The following CDK5RAP2 variants were observed in gnomAD, a reference collection of about 807,000 sequenced individuals.
CDK5RAP2 encodes the protein CDK5 regulatory subunit-associated protein 2.
A neutral mutation model predicts 232.9 loss-of-function variants in CDK5RAP2; 147 were observed. The observed-to-expected ratio is 0.63, with a 90% CI of 0.55 to 0.72. The LOEUF is 0.72. CDK5RAP2 is among the 30% of genes least tolerant of loss of function. The probability of loss-of-function intolerance (pLI) is 0.00; values close to 1 mark genes in which losing one functional copy is unlikely to be tolerated. For synonymous variants in CDK5RAP2, 833 were observed against 833.7 expected, an observed-to-expected ratio of 1.00 and a Z score of 0.01; for missense variants, 2,195 against 2,231.5, an observed-to-expected ratio of 0.98 and a Z score of 0.33.
intron 11 of CDK5RAP2, among the ~76,000 whole-genome samples, chr9:120,521,738 C>T (rs1415684789): frequency 2.6e-5 from 4 of 151,306 alleles, no homozygotes; most frequent in Non-Finnish European, 4.4e-5. Context: ...CTCCGCCTCC[C>T]GGGTTCACAC....
At chr9:120,518,210 T>TGTGAGA (rs1554770753) in intron 12 of CDK5RAP2, among the ~76,000 whole-genome samples, 3 of 43,864 alleles carry the variant, frequency 6.8e-5, no homozygotes, top group Non-Finnish European at 9.9e-5. Context: ...TGTGTGTGTG[T>TGTGAGA]GAGAGAGAGA....
chr9:120,577,392 A>T (rs2043075628), intron 1 of CDK5RAP2, among the ~76,000 whole-genome samples: 1 of 152,076 alleles, frequency 6.6e-6, no homozygotes. Context: ...TAGAGACAGA[A>T]AGTAGAATGG....
In CDK5RAP2 at chr9:120,563,285, C is replaced by T. The variant is rs2042526199; in HGVS notation, c.195+5036G>A. On this transcript the variant is annotated intron_variant, in intron 3 of 37. Coordinates refer to ENST00000349780, the MANE Select transcript of CDK5RAP2 (RefSeq NM_018249.6). Reference sequence around the variant, plus strand: ...GGCTGAGGAACAGCAGCCTGTGTGGCTAGAGCAGTGTACGACGGGGAGAGG... The same window carrying T: ...GGCTGAGGAACAGCAGCCTGTGTGGTTAGAGCAGTGTACGACGGGGAGAGG... Among the ~76,000 whole-genome samples the T allele has an allele frequency of 2.0e-5, 3 of 152,084 alleles. No homozygotes were observed. In the South Asian group the frequency reaches 6.2e-4, roughly 32 times the overall value.
At chr9:120,572,524 C>A (rs533538122) in intron 1 of CDK5RAP2, among the ~76,000 whole-genome samples, 1 of 152,324 alleles carries the variant, frequency 6.6e-6, no homozygotes, top group African/African-American at 2.4e-5. Context: ...GGGAATCAGA[C>A]ACCAATTTAG....
chr9:120,546,427 T>C (rs1457801929), intron 4 of CDK5RAP2, among the ~76,000 whole-genome samples: 1 of 152,176 alleles, frequency 6.6e-6, no homozygotes, highest in Non-Finnish European at 1.5e-5. Context: ...GCCTTGGGCT[T>C]ATAACTCACG....
intron 20 of CDK5RAP2, among the ~76,000 whole-genome samples, chr9:120,456,935 A>G (rs1006018113): frequency 3.9e-5 from 6 of 152,248 alleles, no homozygotes; most frequent in Admixed American, 3.3e-4. Context: ...AGCTATCACT[A>G]TAAGCAGAAC....
chr9:120,527,864 A>T lies in CDK5RAP2; in HGVS notation c.941T>A (p.Leu314Gln). 1 of 1,613,762 alleles carries T rather than the reference A, an allele frequency of 6.2e-7. No individual in the cohort carries two copies. The highest frequency in any genetic ancestry group is 8.5e-7 in the Non-Finnish European group (1 of 1,179,864). The change falls in exon 10 of 38, where the codon CTA becomes CAA. Residue 314 changes from leucine (L) to glutamine (Q), a missense_variant. Physicochemically the swap from Leu to Gln is moderately radical, Grantham distance 113. Coordinates refer to ENST00000349780, the MANE Select transcript of CDK5RAP2 (RefSeq NM_018249.6). ...ACCCTGAATGGCTTTATCCCTCTTT[A>T]GACTATTTTTCTTCTCTGTAGCAAT... ...REIATEKKNSLKRDKAIQGLT... is the reference protein window; with the variant it reads ...REIATEKKNSQKRDKAIQGLT...
intron 12 of CDK5RAP2, among the ~76,000 whole-genome samples, chr9:120,504,454 G>A (rs920146374): frequency 1.3e-5 from 2 of 152,154 alleles, no homozygotes; most frequent in African/African-American, 4.8e-5. Flanking sequence ...AAGAAGGGTA[G>A]AAGCTGCAGT....
rs534001121 is a variant in CDK5RAP2 at position 120,473,730 on chromosome 9, G to A, written c.1728-1852C>T. Reference sequence around the variant, plus strand: ...ACAGAGGTGTCACAGCACAGCACTCGCTTGGATGCAGTCATGCTGCAGAGG... The same window carrying A: ...ACAGAGGTGTCACAGCACAGCACTCACTTGGATGCAGTCATGCTGCAGAGG... On this transcript the variant is annotated intron_variant, in intron 15 of 37. Transcript: ENST00000349780. Among the ~76,000 whole-genome samples, 10 of 152,314 alleles carry A rather than the reference G, an allele frequency of 6.6e-5. No homozygotes were observed. The East Asian group carries it at 1.4e-3, about 21-fold the overall frequency.
Position 120,467,695 on chromosome 9 carries a change from G to A in CDK5RAP2, c.2106+165C>T, listed in dbSNP as rs897802631. ...GGGTCTCGCTCTATCCCCCGGGCTG[G>A]AGTGTAGTGGTGTAATCACAGCTCA... On this transcript the variant is annotated intron_variant, in intron 18 of 37. Coordinates refer to ENST00000349780, the MANE Select transcript of CDK5RAP2 (RefSeq NM_018249.6). 5.3e-5 allele frequency among the ~76,000 whole-genome samples: 8 copies of A among 152,046 alleles called. 1 individual carries two copies. The highest frequency in any genetic ancestry group is 3.3e-4 in the Admixed American group (5 of 15,276).
chr9:120,394,781 AACCAGGAAAAGGC>A, intron 35 of CDK5RAP2, 143 bp from the exon 36 acceptor site: 2 of 778,432 alleles, frequency 2.6e-6, no homozygotes, highest in Non-Finnish European at 4.1e-6. Context: ...TTTTCCTGAC[AACCAGGAAAAGGC>A]AAAATTGGAC....
At chr9:120,527,501 G>A (rs1255555576) in intron 10 of CDK5RAP2, among the ~76,000 whole-genome samples, 1 of 83,088 alleles carries the variant, frequency 1.2e-5, no homozygotes, top group Non-Finnish European at 2.4e-5. Flanking sequence ...ATGATGAAAT[G>A]ATTATGTTTT....
intron 11 of CDK5RAP2, among the ~76,000 whole-genome samples, chr9:120,523,473 A>C (rs1343972209): frequency 6.6e-6 from 1 of 152,244 alleles, no homozygotes; most frequent in African/African-American, 2.4e-5. Context: ...CATTTCATCA[A>C]CCACTGTCAA....
intron 21 of CDK5RAP2, among the ~76,000 whole-genome samples, chr9:120,450,263 C>T (rs2036412151): frequency 6.6e-6 from 1 of 152,198 alleles, no homozygotes; most frequent in Non-Finnish European, 1.5e-5. Flanking sequence ...CCAAAAACCA[C>T]ATATGACATG....
chr9:120,439,349 T>C lies in CDK5RAP2; in HGVS notation c.3722+50A>G, dbSNP rs1020627157. On this transcript the variant is annotated intron_variant, in intron 24 of 37. Coordinates refer to ENST00000349780, the MANE Select transcript of CDK5RAP2 (RefSeq NM_018249.6). ...CTCATGGGCTCCCACCTAGTGGCAATACTGGGGGACTACAGGCTTAAACGG... is the reference window on the plus strand; with the variant it reads ...CTCATGGGCTCCCACCTAGTGGCAACACTGGGGGACTACAGGCTTAAACGG... 3.4e-6 allele frequency: 5 copies of C among 1,460,468 alleles called. No homozygotes were observed. The East Asian group carries it at 6.8e-5, about 20-fold the overall frequency. The allele number at this position is 1,460,468 out of a possible 1,614,324, so 90.5% of individuals were successfully genotyped here.
intron 3 of CDK5RAP2, among the ~76,000 whole-genome samples, chr9:120,567,595 C>G (rs1384233731): frequency 6.6e-6 from 1 of 152,150 alleles, no homozygotes; most frequent in Admixed American, 6.5e-5. Flanking sequence ...TACTTGACAA[C>G]AAACCCCCTC....
Position 120,506,668 on chromosome 9 carries a change from T to C in CDK5RAP2, c.1311+11759A>G, listed in dbSNP as rs112499600. ...AACCCTCATGGATGACTTTGAGGGA[T>C]TCAAGACTTTACTTCACTGCTAATG... On this transcript the variant is annotated intron_variant, in intron 12 of 37. Coordinates refer to ENST00000349780, the MANE Select transcript of CDK5RAP2 (RefSeq NM_018249.6). Among the ~76,000 whole-genome samples, 221 of 152,290 alleles carry C rather than the reference T, an allele frequency of 1.5e-3. 1 individual carries two copies. The highest frequency in any genetic ancestry group is 5.1e-3 in the African/African-American group (213 of 41,556).
chr9:120,525,641 G>A (rs907726223), intron 10 of CDK5RAP2, among the ~76,000 whole-genome samples: 13 of 151,640 alleles, frequency 8.6e-5, no homozygotes, highest in East Asian at 3.9e-4. Context: ...CCTTTGAGAC[G>A]GGGTCTTGCT....
chr9:120,574,312 C>T (rs1182397394), intron 1 of CDK5RAP2, among the ~76,000 whole-genome samples: 1 of 152,306 alleles, frequency 6.6e-6, no homozygotes, highest in East Asian at 1.9e-4. Flanking sequence ...CAAGCAGCTC[C>T]CTCTTTCCAT....
Sources: allele counts gnomAD v4.1 joint callset (sites outside exome capture counted in the v4.1 genomes callset), GRCh38; gene constraint gnomAD v4.1.1; transcripts MANE v1.5; gene names NCBI Gene and HGNC (gene_info 2026-07-23, HGNC 2026-07-21).